Variants in COL5A1 observed in about 807,000 individuals in gnomAD.
The protein encoded by COL5A1 is collagen type V alpha 1 chain.
COL5A1 carries 16 observed loss-of-function variants against 263.7 expected under a neutral mutation model. That is an observed-to-expected ratio of 0.06 (90% CI 0.04 to 0.09). The LOEUF is 0.09. Ranked by LOEUF, COL5A1 falls within the 10% of genes least tolerant of loss-of-function variation. The pLI, the probability that COL5A1 is intolerant of heterozygous loss-of-function variation, is 1.00. For missense variants in COL5A1, 2,036 were observed against 2,540.5 expected (o/e 0.80, Z 4.27); for synonymous variants, 1,012 against 1,004.5 (o/e 1.01, Z -0.14).
At chr9:134,749,020 C>T (rs540813866) in intron 11 of COL5A1, among the ~76,000 whole-genome samples, 1 of 152,150 alleles carries the variant, frequency 6.6e-6, no homozygotes, top group Non-Finnish European at 1.5e-5. Flanking sequence ...GGGTGGATCA[C>T]GAGGTCAGGA....
At chr9:134,653,685 G>A (rs1370660274) in intron 1 of COL5A1, among the ~76,000 whole-genome samples, 1 of 152,124 alleles carries the variant, frequency 6.6e-6, no homozygotes, top group African/African-American at 2.4e-5. Flanking sequence ...GATCTGTAGG[G>A]CCAGGGTTCT....
chr9:134,738,676 G>A, intron 10 of COL5A1, 70 bp from the exon 11 acceptor site: 1 of 1,487,246 alleles, frequency 6.7e-7, no homozygotes. Context: ...GCCTTGGTTG[G>A]CCAGTTGGAA....
Position 134,815,614 on chromosome 9 carries a change from A to G in COL5A1, c.4053A>G (p.Gly1351=). 1 of 1,613,614 alleles carries G rather than the reference A, an allele frequency of 6.2e-7. No homozygotes were observed. ...VGFPGDPGPP[G]EPGPAGQDGP... ...TTCCTGGAGATCCTGGCCCCCCCGG[A>G]GAGCCTGGCCCCGCGGTAGGTGCTC... is the stretch of plus-strand genomic sequence containing the variant. Residue 1351 remains glycine (G), a synonymous_variant, in exon 51 of 66, where the codon GGA becomes GGG. Transcript: ENST00000371817.
At chr9:134,752,534 A>C in intron 13 of COL5A1, 55 bp from the exon 14 acceptor site, 1 of 1,396,822 alleles carries the variant, frequency 7.2e-7, no homozygotes, top group Non-Finnish European at 1.0e-6. Flanking sequence ...GGCGCCAGCA[A>C]ACCGGAGCAC....
At chr9:134,824,946 C>A in intron 62 of COL5A1, 91 bp downstream of exon 62, 1 of 1,493,224 alleles carries the variant, frequency 6.7e-7, no homozygotes. Flanking sequence ...CAGCCAGGCA[C>A]AGCGGAAGGG....
chr9:134,813,100 TC>T (rs1838602436), intron 48 of COL5A1, among the ~76,000 whole-genome samples: 3 of 152,192 alleles, frequency 2.0e-5, no homozygotes, highest in South Asian at 4.2e-4. Context: ...GCTTGCAGTT[TC>T]CATTTCAGCC....
At chr9:134,701,373 C>T (rs747855325) in intron 4 of COL5A1, 40 bp downstream of exon 4, 25 of 1,598,878 alleles carry the variant, frequency 1.6e-5, no homozygotes, top group Non-Finnish European at 2.0e-5. Context: ...CCCACCAGGG[C>T]ACTCCTCCTG....
At chr9:134,756,535 T>C (rs1835980141) in intron 16 of COL5A1, among the ~76,000 whole-genome samples, 1 of 152,162 alleles carries the variant, frequency 6.6e-6, no homozygotes, top group Admixed American at 6.5e-5. Context: ...GATGACGTGG[T>C]CCGGAAAGAC....
chr9:134,689,432 G>A (rs1384647974), intron 1 of COL5A1, among the ~76,000 whole-genome samples: 1 of 152,224 alleles, frequency 6.6e-6, no homozygotes, highest in Non-Finnish European at 1.5e-5. Flanking sequence ...AGTAGCAGAT[G>A]TTGGGATCTA....
At position 134,731,585 on chromosome 9, in the gene COL5A1, C is replaced by A. The variant is rs1446326054; in HGVS notation, c.1254C>A (p.Asp418Glu). ...TIRNLDENYY[D>E]PYYDPTSSPS... is the part of the protein sequence containing the mutation. ...GGAACCTTGACGAGAACTACTACGA[C>A]CCCTACTACGACCCCACCAGCTCCC... Residue 418 changes from aspartate (D) to glutamate (E), a missense_variant, in exon 8 of 66, where the codon GAC becomes GAA. By Grantham distance (45) the Asp-to-Glu change is conservative. Around this residue, in one of 3 missense-constraint regions of COL5A1, gnomAD observed 600 missense variants for 634.5 expected, o/e 0.95. Transcript: ENST00000371817. The A allele has an allele frequency of 6.2e-7, 1 of 1,613,986 alleles. No homozygotes were observed. The highest frequency in any genetic ancestry group is 1.3e-5 in the African/African-American group (1 of 74,930).
intron 24 of COL5A1, among the ~76,000 whole-genome samples, 194 bp from the exon 25 acceptor site, chr9:134,768,209 GGTGCTGA>G (rs1836744311): frequency 6.6e-6 from 1 of 152,244 alleles, no homozygotes. Context: ...AGAACCTGAA[GGTGCTGA>G]GAACAGTGGA....
chr9:134,764,286 G>A (rs1358440852), intron 20 of COL5A1, among the ~76,000 whole-genome samples: 2 of 133,618 alleles, frequency 1.5e-5, no homozygotes, highest in Non-Finnish European at 3.2e-5. Flanking sequence ...GGGGTCAAGG[G>A]AGAAGCATGG....
At chr9:134,826,392 G>T (rs111691291) in intron 63 of COL5A1, among the ~76,000 whole-genome samples, 1 of 152,214 alleles carries the variant, frequency 6.6e-6, no homozygotes, top group Non-Finnish European at 1.5e-5. Context: ...GTTTAGTGAA[G>T]AATTCGGGGT....
intron 37 of COL5A1, among the ~76,000 whole-genome samples, chr9:134,798,689 T>C (rs1838005588): frequency 6.6e-6 from 1 of 152,218 alleles, no homozygotes; most frequent in African/African-American, 2.4e-5. Context: ...CCTTATGGCA[T>C]CTGTGGGCAG....
intron 9 of COL5A1, among the ~76,000 whole-genome samples, chr9:134,734,771 A>G (rs1041637397): frequency 6.6e-6 from 1 of 152,210 alleles, no homozygotes; most frequent in African/African-American, 2.4e-5. Flanking sequence ...CCTGGGCCAC[A>G]TCCATTAGGG....
At chr9:134,784,012 G>A (rs1342665179) in intron 29 of COL5A1, among the ~76,000 whole-genome samples, 2 of 152,202 alleles carry the variant, frequency 1.3e-5, no homozygotes, top group African/African-American at 2.4e-5. Flanking sequence ...TGGAGCTCTC[G>A]TTGCCATGGG....
chr9:134,734,831 T>C (rs528450694), intron 9 of COL5A1, among the ~76,000 whole-genome samples: 3 of 152,374 alleles, frequency 2.0e-5, no homozygotes, highest in Admixed American at 6.5e-5. Context: ...TTTTAAAATA[T>C]GTGCTGTTTA....
intron 24 of COL5A1, among the ~76,000 whole-genome samples, chr9:134,767,637 TG>T (rs1032711303): frequency 6.6e-6 from 1 of 152,256 alleles, no homozygotes; most frequent in Non-Finnish European, 1.5e-5. Context: ...CAGTTAAATT[TG>T]AACTATTGTG....
rs995778084 is a variant in COL5A1 at position 134,841,822 on chromosome 9, G to A, written c.5371-335G>A. On this transcript the variant is annotated intron_variant, in intron 65 of 65. Transcript: ENST00000371817. This position sits in a 1 kb window ranked among gnomAD's most constrained non-coding sequence, Gnocchi z 4.8. ...GTGAATACCTGGGGCATCACAAGGA[G>A]TCTGGACTGGGCACGGTGGGAAGGC... Among the ~76,000 whole-genome samples the A allele has an allele frequency of 1.3e-5, 2 of 152,150 alleles. No homozygotes were observed. Among genetic ancestry groups the A allele is most frequent in the African/African-American group, 4.8e-5 (2 of 41,432 alleles).
Sources: allele counts gnomAD v4.1 joint callset (sites outside exome capture counted in the v4.1 genomes callset), GRCh38; gene constraint gnomAD v4.1.1; regional missense constraint gnomAD v4.1.1; non-coding constraint Gnocchi (gnomAD v3.1); transcripts MANE v1.5; gene names NCBI Gene and HGNC (gene_info 2026-07-23, HGNC 2026-07-21).